The following DACH2 variants were observed in gnomAD, a reference collection of about 807,000 sequenced individuals.
The protein encoded by DACH2 is dachshund homolog 2.
In DACH2, 17 loss-of-function variants were observed where a neutral mutation model predicts 35.8. The ratio of observed to expected loss-of-function variants is 0.48; its 90% CI spans 0.33 to 0.71. The LOEUF (loss-of-function observed/expected upper bound fraction) is 0.71. Among genes scored for constraint, DACH2 ranks in the 30% least tolerant of loss-of-function variants. The probability of loss-of-function intolerance (pLI) is 0.02; values close to 1 mark genes in which losing one functional copy is unlikely to be tolerated. For synonymous variants in DACH2, 195 were observed against 177.3 expected (o/e 1.10, Z -0.79); for missense variants, 469 against 472.7 (o/e 0.99, Z 0.07).
At chrX:86,656,857 G>GTGTGTATATATA (rs1333268452) in intron 4 of DACH2, among the ~76,000 whole-genome samples, 2 of 66,745 alleles carry the variant, frequency 3.0e-5, no homozygotes, top group African/African-American at 1.4e-4. Context: ...GTGTGTGTGT[G>GTGTGTATATATA]TATATATATA....
intron 3 of DACH2, among the ~76,000 whole-genome samples, chrX:86,544,619 G>A (rs192732829): frequency 4.0e-4 from 44 of 111,120 alleles, no homozygotes; most frequent in African/African-American, 1.3e-3. Context: ...CACCAGACAG[G>A]CCTTACAAGA....
At chrX:86,541,541 C>A (rs1023421082) in intron 3 of DACH2, among the ~76,000 whole-genome samples, 2 of 110,744 alleles carry the variant, frequency 1.8e-5, no homozygotes, top group East Asian at 2.8e-4. Flanking sequence ...GAAAAGATAA[C>A]CCAGGTCTCA....
At chrX:86,756,891 G>C (rs1222179437) in intron 7 of DACH2, among the ~76,000 whole-genome samples, 1 of 110,990 alleles carries the variant, frequency 9.0e-6, no homozygotes, top group East Asian at 2.8e-4. Flanking sequence ...CCTTTATTAT[G>C]TTGAGTTATG....
chrX:86,219,731 C>T (rs771523784), intron 1 of DACH2, among the ~76,000 whole-genome samples: 2 of 110,705 alleles, frequency 1.8e-5, no homozygotes, highest in African/African-American at 3.3e-5. Flanking sequence ...TGTATATAAA[C>T]AGCTTTACTG....
intron 2 of DACH2, among the ~76,000 whole-genome samples, chrX:86,407,463 C>T (rs923511247): frequency 3.6e-5 from 4 of 112,038 alleles, no homozygotes; most frequent in South Asian, 3.7e-4. Flanking sequence ...AAGCCAGGCA[C>T]GATTAGTACA....
rs1052039989 is a variant in DACH2 at position 86,322,419 on chromosome X, G to A, written c.489-54405G>A. The stretch of plus-strand genomic sequence containing the variant: ...TTAGTCTCCTTGTTCTTTTTAGTGT[G>A]ACCCAGGGTGGAGGGGAAGACAGTG... On this transcript the variant is annotated intron_variant, in intron 1 of 11. Coordinates refer to ENST00000373125, the MANE Select transcript of DACH2 (RefSeq NM_053281.3). Among the ~76,000 whole-genome samples, 3 of 110,844 alleles carry A rather than the reference G, an allele frequency of 2.7e-5. No homozygotes were observed. In the East Asian group the frequency reaches 8.6e-4, roughly 32 times the overall value.
Position 86,216,287 on chromosome X carries a change from C to T in DACH2, c.488+67179C>T, listed in dbSNP as rs186312833. On this transcript the variant is annotated intron_variant, in intron 1 of 11. Transcript: ENST00000373125. ...GGTTTGTTACATAGGTATACATGTG[C>T]CATGTTGGTTTGCTGTACCCATCAA... Among the ~76,000 whole-genome samples the T allele has an allele frequency of 2.0e-3, 226 of 111,173 alleles. 1 individual carries two copies. Among genetic ancestry groups the T allele is most frequent in the Non-Finnish European group, 3.1e-3 (166 of 53,030 alleles).
At chrX:86,798,873 A>G (rs1195530241) in intron 7 of DACH2, 30 of 151,297 alleles carry the variant, frequency 2.0e-4, no homozygotes, top group Non-Finnish European at 3.0e-4. Context: ...AGGGCAGGGC[A>G]AAGGCTCATC....
chrX:86,626,264 C>A (rs1176681157), intron 3 of DACH2, among the ~76,000 whole-genome samples: 1 of 112,595 alleles, frequency 8.9e-6, no homozygotes, highest in Non-Finnish European at 1.9e-5. Context: ...TAAATGATCT[C>A]CTTTGACTTG....
At chrX:86,179,900 C>T (rs1323220670) in intron 1 of DACH2, among the ~76,000 whole-genome samples, 3 of 108,573 alleles carry the variant, frequency 2.8e-5, no homozygotes, top group Non-Finnish European at 5.7e-5. Flanking sequence ...ACATGCAAAC[C>T]CAGAACAAAT....
At chrX:86,775,979 T>C (rs1428369419) in intron 7 of DACH2, among the ~76,000 whole-genome samples, 1 of 111,434 alleles carries the variant, frequency 9.0e-6, no homozygotes, top group Non-Finnish European at 1.9e-5. Context: ...CCAAGGTCAC[T>C]CAGTAAGTGG....
chrX:86,215,006 G>A (rs760357279), intron 1 of DACH2, among the ~76,000 whole-genome samples: 55 of 111,631 alleles, frequency 4.9e-4, no homozygotes, highest in African/African-American at 1.7e-3. Context: ...TGCAGAGGGC[G>A]AGATAGTTTC....
At chrX:86,476,965 C>A (rs2037852278) in intron 2 of DACH2, among the ~76,000 whole-genome samples, 2 of 110,938 alleles carry the variant, frequency 1.8e-5, no homozygotes, top group Admixed American at 1.9e-4. Flanking sequence ...TCCAAAATTC[C>A]TCTTTTTATT....
intron 2 of DACH2, among the ~76,000 whole-genome samples, chrX:86,403,124 G>T (rs2036463859): frequency 8.9e-6 from 1 of 111,909 alleles, no homozygotes; most frequent in Admixed American, 9.5e-5. Flanking sequence ...CATTGGCCTT[G>T]GCAAAAAACT....
intron 7 of DACH2, among the ~76,000 whole-genome samples, chrX:86,771,953 C>T (rs932749755): frequency 9.0e-6 from 1 of 111,557 alleles, no homozygotes; most frequent in Non-Finnish European, 1.9e-5. Flanking sequence ...GTTGGTATAT[C>T]AGTTCAGCGT....
chrX:86,498,263 G>T (rs1397632840), intron 2 of DACH2, among the ~76,000 whole-genome samples: 1 of 110,872 alleles, frequency 9.0e-6, no homozygotes, highest in Non-Finnish European at 1.9e-5. Flanking sequence ...ATTAAAAATA[G>T]GAATAAAAAT....
chrX:86,330,792 G>C (rs995122393), intron 1 of DACH2, among the ~76,000 whole-genome samples: 3 of 111,420 alleles, frequency 2.7e-5, no homozygotes, highest in Non-Finnish European at 5.7e-5. Context: ...AATACTTTTA[G>C]ACAGTAATAT....
chrX:86,692,239 T>G (rs2148442151), intron 4 of DACH2, among the ~76,000 whole-genome samples: 1 of 111,633 alleles, frequency 9.0e-6, no homozygotes, highest in Admixed American at 9.6e-5. Context: ...TATTATACTT[T>G]AAGTTCTAGG....
At chrX:86,529,965 ACACACACACACG>A (rs1233073452) in intron 3 of DACH2, among the ~76,000 whole-genome samples, 3 of 50,842 alleles carry the variant, frequency 5.9e-5, no homozygotes, top group Non-Finnish European at 1.2e-4. Flanking sequence ...ACACACACAC[ACACACACACACG>A]CACACACACA....
Sources: gnomAD v4.1 joint callset for allele counts (sites outside exome capture counted in the v4.1 genomes callset) on GRCh38, gnomAD v4.1.1 for gene constraint, MANE v1.5 for transcripts, NCBI Gene and HGNC (gene_info 2026-07-23, HGNC 2026-07-21) for gene names.